NUBPL: variants seen among roughly 807,000 people sequenced by gnomAD.
The protein encoded by NUBPL is NUBP iron-sulfur cluster assembly factor, mitochondrial, also known as iron-sulfur cluster transfer protein NUBPL.
In NUBPL, 31 loss-of-function variants were observed where a neutral mutation model predicts 45.7. The observed-to-expected ratio is 0.68, with a 90% CI of 0.51 to 0.92. The LOEUF (loss-of-function observed/expected upper bound fraction) is 0.92, where lower values mean the gene tolerates loss of function less well. Among genes scored for constraint, NUBPL ranks in the 40% least tolerant of loss-of-function variants. The pLI is 0.00. For synonymous variants in NUBPL, 144 were observed against 140.9 expected (o/e 1.02, Z -0.15); for missense variants, 401 against 398.7 (o/e 1.01, Z -0.05).
chr14:31,657,870 A>G (rs1332554238), intron 4 of NUBPL, among the ~76,000 whole-genome samples: 3 of 152,192 alleles, frequency 2.0e-5, no homozygotes, highest in Admixed American at 2.0e-4. Flanking sequence ...AAACTTGAGA[A>G]TTTGCTACTT....
intron 4 of NUBPL, among the ~76,000 whole-genome samples, chr14:31,660,943 T>TA (rs2036254011): frequency 6.6e-6 from 1 of 152,232 alleles, no homozygotes; most frequent in African/African-American, 2.4e-5. Context: ...ATGTCAACTT[T>TA]AATAGGAAGA....
At chr14:31,605,660 A>G (rs2034565574) in intron 4 of NUBPL, among the ~76,000 whole-genome samples, 8 of 152,092 alleles carry the variant, frequency 5.3e-5, no homozygotes. Context: ...ACCTTTTATA[A>G]TCTCTGATAA....
intron 6 of NUBPL, among the ~76,000 whole-genome samples, chr14:31,759,472 C>T (rs1329873143): frequency 6.6e-6 from 1 of 151,844 alleles, no homozygotes; most frequent in African/African-American, 2.4e-5. Context: ...TGGTATAGAA[C>T]ATGATGTTTT....
intron 6 of NUBPL, among the ~76,000 whole-genome samples, chr14:31,700,916 C>G (rs1327021581): frequency 6.6e-6 from 1 of 152,178 alleles, no homozygotes; most frequent in Admixed American, 6.5e-5. Context: ...ATCGACCGCC[C>G]AAGGGCTGAG....
chr14:31,713,619 A>C (rs577430664), intron 6 of NUBPL, among the ~76,000 whole-genome samples: 6 of 152,332 alleles, frequency 3.9e-5, no homozygotes, highest in African/African-American at 1.4e-4. Context: ...GGATGGCACT[A>C]TGAATTAATG....
intron 6 of NUBPL, among the ~76,000 whole-genome samples, chr14:31,718,166 A>T (rs970972703): frequency 1.3e-5 from 2 of 152,140 alleles, no homozygotes; most frequent in Non-Finnish European, 2.9e-5. Flanking sequence ...AGAACATTAG[A>T]TTTCAAGCCA....
intron 6 of NUBPL, among the ~76,000 whole-genome samples, chr14:31,709,856 G>A (rs992552668): frequency 1.3e-5 from 2 of 152,196 alleles, no homozygotes; most frequent in African/African-American, 4.8e-5. Context: ...GGAGATTAGA[G>A]GAGGATTATC....
intron 7 of NUBPL, among the ~76,000 whole-genome samples, chr14:31,816,354 T>C (rs1265794959): frequency 6.6e-6 from 1 of 152,220 alleles, no homozygotes; most frequent in African/African-American, 2.4e-5. Context: ...GTAGTTTGTA[T>C]TTCTGTGGGA....
At chr14:31,605,529 G>T (rs938426299) in intron 4 of NUBPL, among the ~76,000 whole-genome samples, 32 of 152,146 alleles carry the variant, frequency 2.1e-4, no homozygotes, top group African/African-American at 7.7e-4. Context: ...TAGTAATTTT[G>T]CACTCATGGC....
At chr14:31,671,715 A>C (rs570762157) in intron 4 of NUBPL, among the ~76,000 whole-genome samples, 5 of 152,366 alleles carry the variant, frequency 3.3e-5, no homozygotes, top group African/African-American at 1.2e-4. Flanking sequence ...TTAGCCAGAA[A>C]TTAAAGAAGG....
At chr14:31,838,340 A>G (rs1056420331) in intron 8 of NUBPL, among the ~76,000 whole-genome samples, 1 of 151,372 alleles carries the variant, frequency 6.6e-6, no homozygotes, top group African/African-American at 2.4e-5. Flanking sequence ...AGCATTATTT[A>G]CAGCAGCCAA....
Position 31,859,124 on chromosome 14 carries a change from G to T in NUBPL, c.904G>T (p.Ala302Ser), listed in dbSNP as rs373213518. Residue 302 changes from alanine (A) to serine (S), a missense_variant, in exon 11 of 11, where the codon GCT becomes TCT. Physicochemically the swap from Ala to Ser is moderately conservative, Grantham distance 99 (BLOSUM62 1). Coordinates refer to ENST00000281081, the MANE Select transcript of NUBPL (RefSeq NM_025152.3). ...FSQPESDEAK[A>S]YLRIAVEVVR... ...TAAGTTTGTTCTTTTCCAGGCCAAAGCTTACTTGAGGATTGCTGTGGAAGT... is the reference window on the plus strand; with the variant it reads ...TAAGTTTGTTCTTTTCCAGGCCAAATCTTACTTGAGGATTGCTGTGGAAGT... 6 of 1,613,576 alleles carry T rather than the reference G, an allele frequency of 3.7e-6. No homozygotes were observed. Among genetic ancestry groups the T allele is most frequent in the Middle Eastern group, 1.6e-4 (1 of 6,076 alleles).
chr14:31,850,803 T>TTA (rs1408898019), intron 10 of NUBPL, among the ~76,000 whole-genome samples: 1 of 151,908 alleles, frequency 6.6e-6, no homozygotes, highest in Non-Finnish European at 1.5e-5. Flanking sequence ...TTTTTTTTTT[T>TTA]ATGGAGACAG....
intron 8 of NUBPL, among the ~76,000 whole-genome samples, chr14:31,827,723 A>T (rs1315887800): frequency 6.6e-6 from 1 of 152,172 alleles, no homozygotes; most frequent in African/African-American, 2.4e-5. Context: ...CCCAGCCCTA[A>T]ATTGTATGCC....
At chr14:31,843,178 GA>G (rs1221144533) in intron 8 of NUBPL, among the ~76,000 whole-genome samples, 1 of 152,208 alleles carries the variant, frequency 6.6e-6, no homozygotes, top group Non-Finnish European at 1.5e-5. Flanking sequence ...AGGACAGAGG[GA>G]AAAATAATGA....
chr14:31,843,340 C>T (rs988935329), intron 8 of NUBPL, among the ~76,000 whole-genome samples: 6 of 152,226 alleles, frequency 3.9e-5, no homozygotes, highest in Admixed American at 2.6e-4. Context: ...ATATTTTAGA[C>T]AGCATTAAAA....
intron 6 of NUBPL, among the ~76,000 whole-genome samples, chr14:31,744,009 G>A (rs922126462): frequency 1.3e-5 from 2 of 152,184 alleles, no homozygotes; most frequent in African/African-American, 4.8e-5. Flanking sequence ...TATATTAGAT[G>A]AATGCTGAAG....
At chr14:31,561,810 G>A (rs868733107) in intron 1 of NUBPL, 54 of 587,276 alleles carry the variant, frequency 9.2e-5, no homozygotes, top group Middle Eastern at 4.4e-4. Context: ...AAAACACGTG[G>A]AAGCCTTATC....
rs138089435 is a variant in NUBPL at position 31,798,498 on chromosome 14, ATTATC to A, written c.607+10630_607+10634del. Among the ~76,000 whole-genome samples, 328 of 151,934 alleles carry A rather than the reference ATTATC, an allele frequency of 2.2e-3. 3 individuals are homozygous for A. The highest frequency in any genetic ancestry group is 7.5e-3 in the African/African-American group (311 of 41,478). ...TTCCATTGTAATACAGTAATTAGAAATTATCTTATTTATGCCAGGTGCGGTGGCTC... is the reference window on the plus strand; with the variant it reads ...TTCCATTGTAATACAGTAATTAGAAATTATTTATGCCAGGTGCGGTGGCTC... On this transcript the variant is annotated intron_variant, in intron 7 of 10. Transcript: ENST00000281081.
Sources: allele counts gnomAD v4.1 joint callset (sites outside exome capture counted in the v4.1 genomes callset), GRCh38; gene constraint gnomAD v4.1.1; transcripts MANE v1.5; gene names NCBI Gene and HGNC (gene_info 2026-07-23, HGNC 2026-07-21).